Variants in ANK3 observed in about 807,000 individuals in gnomAD.
The protein encoded by ANK3 is ankyrin 3.
In ANK3, 57 loss-of-function variants were observed where a neutral mutation model predicts 370.9. The ratio of observed to expected loss-of-function variants is 0.15; its 90% CI spans 0.12 to 0.19. The LOEUF (loss-of-function observed/expected upper bound fraction) is 0.19, where lower values mean the gene tolerates loss of function less well. Among genes scored for constraint, ANK3 ranks in the 10% least tolerant of loss-of-function variants. The pLI is 1.00. For synonymous variants in ANK3, 1,929 were observed against 1,946.3 expected (o/e 0.99, Z 0.23); for missense variants, 4,439 against 5,302.1 (o/e 0.84, Z 5.06).
rs1029179313 is a variant in ANK3 at position 60,201,887 on chromosome 10, C to T, written c.1392+1115G>A. Among the ~76,000 whole-genome samples the T allele has an allele frequency of 4.0e-5, 6 of 151,370 alleles. No individual in the cohort carries two copies. The East Asian group carries it at 1.2e-3, about 30-fold the overall frequency. ...CCACCACGCCCAGCTAATTCTTTTT[C>T]GTATTTTTAGTAGAGACAGGTTTCA... On this transcript the variant is annotated intron_variant, in intron 12 of 43. Transcript: ENST00000280772.
rs148109897 is a variant in ANK3, at chr10:60,069,791, G to T, written c.11090C>A (p.Ser3697Tyr). 1 of 1,614,126 alleles carries T rather than the reference G, an allele frequency of 6.2e-7. No individual in the cohort carries two copies. Among genetic ancestry groups the T allele is most frequent in the South Asian group, 1.1e-5 (1 of 91,078 alleles). Residue 3697 changes from serine (S) to tyrosine (Y), a missense_variant, in exon 37 of 44, where the codon TCC becomes TAC. Ser to Tyr is a moderately radical substitution (Grantham distance 144). Transcript: ENST00000280772. ...PTSGECQEGT[S>Y]SSGSLEKSAA... is the part of the protein sequence containing the mutation. ...TGATTTCTCCAGGGAGCCACTACTG[G>T]ATGTGCCTTCCTGACACTCTCCGCT...
intron 13 of ANK3, among the ~76,000 whole-genome samples, chr10:60,199,104 G>A (rs1488466038): frequency 1.3e-5 from 2 of 152,108 alleles, no homozygotes; most frequent in Non-Finnish European, 2.9e-5. Flanking sequence ...TGTCTAAACT[G>A]GAGAGCCACC....
chr10:60,560,671 G>T (rs1019748249), intron 2 of ANK3, among the ~76,000 whole-genome samples: 14 of 152,166 alleles, frequency 9.2e-5, no homozygotes, highest in African/African-American at 3.1e-4. Flanking sequence ...CAGATTCAGT[G>T]AAATAACACC....
chr10:60,424,331 A>C (rs1211259955), intron 2 of ANK3, among the ~76,000 whole-genome samples: 1 of 152,086 alleles, frequency 6.6e-6, no homozygotes, highest in Admixed American at 6.6e-5. Flanking sequence ...CAATAAGAGA[A>C]TCTAGAAAAC....
chr10:60,633,808 A>C (rs546466162), intron 1 of ANK3, among the ~76,000 whole-genome samples: 1 of 152,148 alleles, frequency 6.6e-6, no homozygotes, highest in East Asian at 1.9e-4. Context: ...AAGCATCCAT[A>C]TTGGGTTCTC....
intron 2 of ANK3, among the ~76,000 whole-genome samples, chr10:60,470,659 C>G (rs987588448): frequency 6.6e-6 from 1 of 151,986 alleles, no homozygotes; most frequent in Non-Finnish European, 1.5e-5. Context: ...ACTTTGGTAA[C>G]AATACCCAAA....
At chr10:60,464,937 T>C (rs2064975093) in intron 2 of ANK3, among the ~76,000 whole-genome samples, 1 of 152,152 alleles carries the variant, frequency 6.6e-6, no homozygotes, top group Non-Finnish European at 1.5e-5. Flanking sequence ...GACTCTATTT[T>C]CTAACTATGT....
intron 1 of ANK3, among the ~76,000 whole-genome samples, chr10:60,321,573 C>T (rs2048678605): frequency 6.6e-6 from 1 of 152,226 alleles, no homozygotes; most frequent in African/African-American, 2.4e-5. Flanking sequence ...CTACTCTGAA[C>T]TCTGCATGTA....
chr10:60,475,734 T>C (rs1252906757), intron 2 of ANK3, among the ~76,000 whole-genome samples: 1 of 152,160 alleles, frequency 6.6e-6, no homozygotes, highest in Non-Finnish European at 1.5e-5. Context: ...TACTGGTATA[T>C]CTTCACTAAC....
chr10:60,698,690 G>A (rs1431384489), intron 1 of ANK3, among the ~76,000 whole-genome samples: 1 of 136,122 alleles, frequency 7.3e-6, no homozygotes, highest in Non-Finnish European at 1.5e-5. Context: ...CTCATAGGTG[G>A]GAATTGAACA....
intron 1 of ANK3, among the ~76,000 whole-genome samples, chr10:60,708,234 C>T (rs776270877): frequency 2.6e-5 from 4 of 152,172 alleles, no homozygotes; most frequent in Non-Finnish European, 4.4e-5. Context: ...CTTCAAAGTT[C>T]CTTTGCTGCT....
chr10:60,583,727 C>T (rs771662696), intron 2 of ANK3, among the ~76,000 whole-genome samples: 4 of 151,820 alleles, frequency 2.6e-5, no homozygotes, highest in East Asian at 1.9e-4. Flanking sequence ...GGATTACAGG[C>T]GCATACTACC....
intron 4 of ANK3, among the ~76,000 whole-genome samples, chr10:60,278,249 C>T (rs2098117613): frequency 6.6e-6 from 1 of 152,208 alleles, no homozygotes; most frequent in Non-Finnish European, 1.5e-5. Flanking sequence ...TAAGACCCTG[C>T]ATTACAGATA....
intron 7 of ANK3, among the ~76,000 whole-genome samples, chr10:60,235,641 T>A (rs1005633896): frequency 3.4e-5 from 5 of 148,626 alleles, no homozygotes; most frequent in Non-Finnish European, 7.4e-5. Context: ...GCTCCAACGA[T>A]CCTCTCGCCT....
rs542276873 is a variant in ANK3, at chr10:60,621,186, T to A, written c.58-5962A>T. Among the ~76,000 whole-genome samples, 19 of 152,300 alleles carry A rather than the reference T, an allele frequency of 1.2e-4. No homozygotes were observed. The East Asian group carries it at 2.5e-3, about 20-fold the overall frequency. ...GGCAATGCAATGCAATGCAATGCAA[T>A]GTGTTCGCTTATACCTACAAATGCA... On this transcript the variant is annotated intron_variant, in intron 1 of 43. Transcript: ENST00000373827.
At chr10:60,354,185 T>A (rs945763702) in intron 1 of ANK3, among the ~76,000 whole-genome samples, 2 of 152,144 alleles carry the variant, frequency 1.3e-5, no homozygotes, top group Non-Finnish European at 2.9e-5. Context: ...AGGCGATTCT[T>A]CCCTTCCCCC....
intron 1 of ANK3, among the ~76,000 whole-genome samples, chr10:60,369,855 G>T (rs368776527): frequency 6.6e-6 from 1 of 152,066 alleles, no homozygotes; most frequent in African/African-American, 2.4e-5. Flanking sequence ...ACAATGTCAG[G>T]TTAATGAAAT....
In ANK3 at chr10:60,594,727, A is replaced by G. The variant is rs907538134; in HGVS notation, c.96+20459T>C. On this transcript the variant is annotated intron_variant, in intron 2 of 43. Coordinates refer to the ANK3 transcript ENST00000373827. ...TGTAATTTATCTGCAGAAAATTTACATTCATAGTAATGTTGGTTTTTTTCA... is the reference window on the plus strand; with the variant it reads ...TGTAATTTATCTGCAGAAAATTTACGTTCATAGTAATGTTGGTTTTTTTCA... 3.9e-5 allele frequency among the ~76,000 whole-genome samples: 6 copies of G among 152,286 alleles called. No individual in the cohort carries two copies. In the South Asian group the frequency reaches 1.2e-3, roughly 32 times the overall value.
At chr10:60,411,535 G>T (rs887225779) in intron 2 of ANK3, among the ~76,000 whole-genome samples, 2 of 152,198 alleles carry the variant, frequency 1.3e-5, no homozygotes, top group Non-Finnish European at 2.9e-5. Context: ...GTCTCTGGAG[G>T]GGTGGAGGTG....
Sources: allele counts gnomAD v4.1 joint callset (sites outside exome capture counted in the v4.1 genomes callset), GRCh38; gene constraint gnomAD v4.1.1; transcripts MANE v1.5; gene names NCBI Gene and HGNC (gene_info 2026-07-23, HGNC 2026-07-21).